SLC15A2: variants seen among roughly 807,000 people sequenced by gnomAD.
The protein encoded by SLC15A2 is solute carrier family 15 member 2.
Under a neutral mutation model 95.5 loss-of-function variants are expected in SLC15A2, and 77 were observed. The observed-to-expected ratio is 0.81, with a 90% CI of 0.67 to 0.97. SLC15A2 has a LOEUF of 0.97. Among genes scored for constraint, SLC15A2 ranks in the 50% least tolerant of loss-of-function variants. SLC15A2 has a pLI of 0.00. For missense variants in SLC15A2, 893 were observed against 874.4 expected (o/e 1.02, Z -0.27); for synonymous variants, 306 against 306.9 (o/e 1.00, Z 0.03).
Position 121,930,989 on chromosome 3 carries a change from A to C in SLC15A2, c.1664+39A>C, listed in dbSNP as rs781710507. ...CCCTGTGGACATTTTACTTTTGTCA[A>C]TAATTGTTTTTTAAGTGCTATCTTT... On this transcript the variant is annotated intron_variant, in intron 18 of 21. Coordinates refer to ENST00000489711, the MANE Select transcript of SLC15A2 (RefSeq NM_021082.4). 5.1e-6 allele frequency: 7 copies of C among 1,381,750 alleles called. No homozygotes were observed. In the African/African-American group the frequency reaches 1.0e-4, roughly 20 times the overall value. The allele number at this position is 1,381,750 out of a possible 1,614,324, so 85.6% of individuals were successfully genotyped here.
chr3:121,904,428 C>T (rs1226097741), intron 3 of SLC15A2, among the ~76,000 whole-genome samples: 1 of 152,118 alleles, frequency 6.6e-6, no homozygotes, highest in East Asian at 1.9e-4. Context: ...TGTCTTGTAC[C>T]AGTTTTCAAA....
At position 121,928,434 on chromosome 3, in the gene SLC15A2, C is replaced by G; in HGVS notation, c.1220C>G (p.Ala407Gly). ...CTTTGCTCTAAGGAAATGGCCCCAG[C>G]CCAGCCAGGTCCCCAGGAGGTTTTC... ...VEIKINEMAP[A>G]QPGPQEVFLQ... Residue 407 changes from alanine (A) to glycine (G), a missense_variant, in exon 15 of 22, where the codon GCC (alanine) becomes GGC (glycine). Physicochemically the swap from Ala to Gly is moderately conservative, Grantham distance 60. Transcript: ENST00000489711. The G allele has an allele frequency of 1.2e-6, 2 of 1,613,806 alleles. No homozygotes were observed. The highest frequency in any genetic ancestry group is 1.7e-6 in the Non-Finnish European group (2 of 1,179,818).
At chr3:121,929,262 T>A in intron 16 of SLC15A2, 40 bp from the exon 17 acceptor site, 2 of 1,610,638 alleles carry the variant, frequency 1.2e-6, no homozygotes, top group Non-Finnish European at 1.7e-6. Context: ...TAGGTCTTAT[T>A]TCATCAGCTG....
chr3:121,922,078 G>T, intron 7 of SLC15A2, 142 bp from the exon 8 acceptor site: 3 of 608,086 alleles, frequency 4.9e-6, no homozygotes, highest in Admixed American at 3.0e-5. Context: ...TGTCCTTAGC[G>T]CTGATATACT....
intron 16 of SLC15A2, 53 bp from the exon 17 acceptor site, chr3:121,929,249 G>A (rs1056906806): frequency 9.3e-6 from 15 of 1,609,198 alleles, no homozygotes; most frequent in African/African-American, 1.3e-5. Flanking sequence ...AATTTTCTGA[G>A]TATAGGTCTT....
At position 121,928,973 on chromosome 3, in the gene SLC15A2, A is replaced by G; in HGVS notation, c.1342-9A>G. 1.9e-6 allele frequency: 3 copies of G among 1,613,108 alleles called. No individual in the cohort carries two copies. Among genetic ancestry groups the G allele is most frequent in the East Asian group, 2.2e-5 (1 of 44,870 alleles). ...ACGTGACCTTCATTTTATATTCTTC[A>G]TTTTACAGAAAACACCACACTATTC... On this transcript the variant is annotated splice_polypyrimidine_tract_variant and intron_variant, in intron 15 of 21. Coordinates refer to ENST00000489711, the MANE Select transcript of SLC15A2 (RefSeq NM_021082.4).
At chr3:121,922,550 C>T (rs1193757214) in intron 8 of SLC15A2, among the ~76,000 whole-genome samples, 1 of 152,078 alleles carries the variant, frequency 6.6e-6, no homozygotes, top group African/African-American at 2.4e-5. Context: ...AGACAGATAA[C>T]ATTTTTTCTT....
intron 4 of SLC15A2, 24 bp downstream of exon 4, chr3:121,911,690 T>A: frequency 1.4e-6 from 2 of 1,386,068 alleles, no homozygotes; most frequent in African/African-American, 1.4e-5. Context: ...TGGAATCAAC[T>A]AAACTACTTT....
chr3:121,935,991 C>T (rs1438210330), intron 19 of SLC15A2, among the ~76,000 whole-genome samples: 1 of 152,116 alleles, frequency 6.6e-6, no homozygotes, highest in Admixed American at 6.6e-5. Flanking sequence ...TTTCAAAGAA[C>T]ATCTTTATTT....
At chr3:121,907,296 A>G (rs1709669818) in intron 3 of SLC15A2, among the ~76,000 whole-genome samples, 1 of 152,134 alleles carries the variant, frequency 6.6e-6, no homozygotes, top group Admixed American at 6.5e-5. Context: ...GGGTTCAAAC[A>G]TTCTCCTTTA....
rs781629370 is a variant in SLC15A2 at position 121,922,887 on chromosome 3, T to A, written c.867+26T>A. 1.8e-5 allele frequency: 28 copies of A among 1,588,640 alleles called. No individual in the cohort carries two copies. In the South Asian group the frequency reaches 2.0e-4, roughly 11 times the overall value. ...GTAAGTTGGAAATGCAGAAACATCT[T>A]ATGGCTTGATAGAGTCTTTCCTAAT... On this transcript the variant is annotated intron_variant, in intron 9 of 21. Coordinates refer to ENST00000489711, the MANE Select transcript of SLC15A2 (RefSeq NM_021082.4).
intron 13 of SLC15A2, among the ~76,000 whole-genome samples, chr3:121,925,777 TATATAA>T (rs200524570): frequency 0.026 from 905 of 35,230 alleles, 182 homozygotes; most frequent in East Asian, 0.036. Context: ...TATATATATA[TATATAA>T]AATACAACTA....
rs1265673077 is a variant in SLC15A2 at position 121,939,476 on chromosome 3, T to C, written c.1889T>C (p.Leu630Pro). ...AGEVMFSVTG[L>P]EFSYSQAPSS... ...GAGGTCATGTTCTCTGTCACAGGTC[T>C]TGAGTTTTCTTATTCTCAGGTAAGT... Residue 630 changes from leucine (L) to proline (P), a missense_variant, in exon 20 of 22, where the codon CTT becomes CCT. Physicochemically the swap from Leu to Pro is moderately conservative, Grantham distance 98. Transcript: ENST00000489711. 2.0e-6 allele frequency: 3 copies of C among 1,504,826 alleles called. No homozygotes were observed. The South Asian group carries it at 4.0e-5, about 20-fold the overall frequency. The allele number at this position is 1,504,826 out of a possible 1,614,324, so 93.2% of individuals were successfully genotyped here.
intron 19 of SLC15A2, among the ~76,000 whole-genome samples, chr3:121,933,920 A>G (rs879797585): frequency 0.017 from 2,606 of 150,742 alleles, 207 homozygotes; most frequent in Admixed American, 0.16. Context: ...TCTTTAATCC[A>G]TCTTGAATTG....
intron 19 of SLC15A2, among the ~76,000 whole-genome samples, chr3:121,938,648 G>T (rs1710399291): frequency 6.6e-6 from 1 of 152,206 alleles, no homozygotes; most frequent in Non-Finnish European, 1.5e-5. Flanking sequence ...TGCACCCACT[G>T]ACCTGCGCCC....
At position 121,939,475 on chromosome 3, in the gene SLC15A2, C is replaced by A; in HGVS notation, c.1888C>A (p.Leu630Ile). Reference protein sequence around the residue: ...AGEVMFSVTGLEFSYSQAPSS... With the variant: ...AGEVMFSVTGIEFSYSQAPSS... Reference sequence around the variant, plus strand: ...GGAGGTCATGTTCTCTGTCACAGGTCTTGAGTTTTCTTATTCTCAGGTAAG... The same window carrying A: ...GGAGGTCATGTTCTCTGTCACAGGTATTGAGTTTTCTTATTCTCAGGTAAG... The change falls in exon 20 of 22, where the codon CTT (leucine) becomes ATT (isoleucine). Residue 630 changes from leucine (L) to isoleucine (I), a missense_variant. Physicochemically the swap from Leu to Ile is conservative, Grantham distance 5. Coordinates refer to ENST00000489711, the MANE Select transcript of SLC15A2 (RefSeq NM_021082.4). The A allele has an allele frequency of 6.7e-7, 1 of 1,501,990 alleles. No individual in the cohort carries two copies. Among genetic ancestry groups the A allele is most frequent in the Non-Finnish European group, 8.9e-7 (1 of 1,125,838 alleles). 93.0% of individuals were successfully genotyped at this position (1,501,990 alleles called of 1,614,324 possible). A position where few individuals can be genotyped will look rare whatever the true frequency, so the allele number is the denominator to read the frequency against.
At position 121,939,417 on chromosome 3, in the gene SLC15A2, G is replaced by T. The variant is rs759433421; in HGVS notation, c.1830G>T (p.Trp610Cys). 1 of 1,580,960 alleles carries T rather than the reference G, an allele frequency of 6.3e-7. No individual in the cohort carries two copies. The highest frequency in any genetic ancestry group is 8.6e-7 in the Non-Finnish European group (1 of 1,164,034). The change falls in exon 20 of 22, where the codon TGG becomes TGT. Residue 610 changes from tryptophan to cysteine, a missense_variant. Coordinates refer to ENST00000489711, the MANE Select transcript of SLC15A2 (RefSeq NM_021082.4). The stretch of plus-strand genomic sequence containing the variant: ...CAGCCAACAAAATGTCCATTGCGTG[G>T]CAGCTACCACAATATGCCCTGGTTA... ...DIPANKMSIA[W>C]QLPQYALVTA...
In SLC15A2 at chr3:121,940,475, G is replaced by C. The variant is rs1710439734; in HGVS notation, c.2000G>C (p.Ser667Thr). The stretch of plus-strand genomic sequence containing the variant: ...ATCGTGCTTGTTGTGGCACAGTTCA[G>C]TGGCCTGGTACAGGTATGGATCTGA... ...NIIVLVVAQFSGLVQWAEFIL... is the reference protein window; with the variant it reads ...NIIVLVVAQFTGLVQWAEFIL... Residue 667 changes from serine to threonine, a missense_variant, in exon 21 of 22, where the codon AGT (serine) becomes ACT (threonine). Transcript: ENST00000489711. The C allele has an allele frequency of 6.2e-7, 1 of 1,613,494 alleles. No homozygotes were observed. Among genetic ancestry groups the C allele is most frequent in the Non-Finnish European group, 8.5e-7 (1 of 1,179,542 alleles).
chr3:121,930,282 G>C (rs553593291), intron 17 of SLC15A2, among the ~76,000 whole-genome samples: 106 of 152,262 alleles, frequency 7.0e-4, no homozygotes, highest in Middle Eastern at 3.4e-3. Flanking sequence ...CAGAAAAATA[G>C]AAAGATGGTC....
Sources: allele counts gnomAD v4.1 joint callset (sites outside exome capture counted in the v4.1 genomes callset), GRCh38; gene constraint gnomAD v4.1.1; transcripts MANE v1.5; gene names NCBI Gene and HGNC (gene_info 2026-07-23, HGNC 2026-07-21).